GBF1: variants seen among roughly 807,000 people sequenced by gnomAD.
The protein encoded by GBF1 is Golgi-specific brefeldin A-resistance guanine nucleotide exchange factor 1.
Under a neutral mutation model 210.5 loss-of-function variants are expected in GBF1, and 114 were observed. The ratio of observed to expected loss-of-function variants is 0.54; its 90% CI spans 0.47 to 0.63. The LOEUF (loss-of-function observed/expected upper bound fraction) is 0.63, where lower values mean the gene tolerates loss of function less well. Among genes scored for constraint, GBF1 ranks in the 30% least tolerant of loss-of-function variants. GBF1 has a pLI of 0.00. For synonymous variants in GBF1, 850 were observed against 889.2 expected, an observed-to-expected ratio of 0.96 and a Z score of 0.78; for missense variants, 1,851 against 2,357.7, an observed-to-expected ratio of 0.79 and a Z score of 4.45.
upstream of GBF1, among the ~76,000 whole-genome samples, chr10:102,241,774 A>G (rs2070544961): frequency 6.6e-6 from 1 of 152,244 alleles, no homozygotes; most frequent in Non-Finnish European, 1.5e-5. The surrounding 1 kb of genome is among the most constrained non-coding windows in gnomAD (Gnocchi z 6.7). Context: ...CGCTCCGGCT[A>G]GGACGCTTAG....
chr10:102,338,237 C>CTTTTTTTTT (rs398046214), intron 3 of GBF1, among the ~76,000 whole-genome samples: 5 of 114,166 alleles, frequency 4.4e-5, no homozygotes, highest in Admixed American at 1.8e-4. Context: ...CAACCTTCTT[C>CTTTTTTTTT]TTTTTTTTTT....
chr10:102,248,331 A>C (rs957168286), intron 1 of GBF1, among the ~76,000 whole-genome samples: 2 of 152,100 alleles, frequency 1.3e-5, no homozygotes, highest in Non-Finnish European at 1.5e-5. Flanking sequence ...TAACTAAATG[A>C]AAATATAATA....
Position 102,376,541 on chromosome 10 carries a change from T to C in GBF1, c.4048-19T>C, listed in dbSNP as rs781123413. 1 of 1,613,610 alleles carries C rather than the reference T, an allele frequency of 6.2e-7. No individual in the cohort carries two copies. Among genetic ancestry groups the C allele is most frequent in the South Asian group, 1.1e-5 (1 of 91,062 alleles). On this transcript the variant is annotated intron_variant, in intron 31 of 39. Coordinates refer to ENST00000369983, the MANE Select transcript of GBF1 (RefSeq NM_001377137.1). ...CAGGGGCCAAGCCTGTGTCCCCAGC[T>C]CCTCTGTGTACTTTACAGGTTGGGA...
chr10:102,306,886 C>T (rs1245685868), intron 3 of GBF1, among the ~76,000 whole-genome samples: 1 of 152,172 alleles, frequency 6.6e-6, no homozygotes, highest in Non-Finnish European at 1.5e-5. Flanking sequence ...TGAACTGATC[C>T]ATGTGTCCAC....
At chr10:102,324,937 G>A (rs1475753717) in intron 3 of GBF1, among the ~76,000 whole-genome samples, 1 of 152,122 alleles carries the variant, frequency 6.6e-6, no homozygotes, top group Non-Finnish European at 1.5e-5. Flanking sequence ...ATAAAAACTT[G>A]CCTTATAGTA....
chr10:102,325,941 C>T (rs2056859922), intron 3 of GBF1, among the ~76,000 whole-genome samples: 2 of 152,120 alleles, frequency 1.3e-5, no homozygotes, highest in East Asian at 1.9e-4. Flanking sequence ...TGAGCCACTG[C>T]GCCCAGCCTA....
chr10:102,349,482 A>T (rs574956634), intron 4 of GBF1, among the ~76,000 whole-genome samples: 19 of 152,316 alleles, frequency 1.2e-4, no homozygotes, highest in African/African-American at 4.6e-4. Flanking sequence ...CAGTGATCCG[A>T]GATCATGCCA....
chr10:102,244,127 C>G (rs2070633971), upstream of GBF1, among the ~76,000 whole-genome samples: 2 of 151,886 alleles, frequency 1.3e-5, no homozygotes, highest in Admixed American at 6.5e-5. Flanking sequence ...AAGACTCTCT[C>G]AAAACAAACA....
chr10:102,301,684 C>T lies in GBF1; in HGVS notation c.163+41568C>T, dbSNP rs867388392. 4.9e-4 allele frequency among the ~76,000 whole-genome samples: 72 copies of T among 147,904 alleles called. No homozygotes were observed. In the Middle Eastern group the frequency reaches 0.014, roughly 29 times the overall value. On this transcript the variant is annotated intron_variant, in intron 3 of 39. Transcript: ENST00000369983. ...CCCAGATGGGGCGGCGGGGCAGAGG[C>T]GCTCCCCACATCTCAGACGATGGGC...
chr10:102,364,177 C>A (rs2059772556), intron 17 of GBF1, among the ~76,000 whole-genome samples: 4 of 139,384 alleles, frequency 2.9e-5, no homozygotes, highest in Admixed American at 7.3e-5. Context: ...TAGTAAGGTT[C>A]AAATAGTAAG....
chr10:102,360,105 T>C (rs980863020), intron 11 of GBF1, 79 bp from the exon 12 acceptor site: 4 of 875,946 alleles, frequency 4.6e-6, no homozygotes, highest in East Asian at 2.4e-5. Flanking sequence ...AATTGCCTTG[T>C]GTAATGCAGA....
chr10:102,314,427 A>G (rs1213885532), intron 3 of GBF1, among the ~76,000 whole-genome samples: 1 of 152,120 alleles, frequency 6.6e-6, no homozygotes, highest in African/African-American at 2.4e-5. Flanking sequence ...GATTACAGGT[A>G]TGAGCCACCG....
chr10:102,362,532 C>G lies in GBF1; in HGVS notation c.1744C>G (p.Leu582Val). The change falls in exon 15 of 40, where the codon CTA becomes GTA. Residue 582 changes from leucine to valine, a missense_variant. By Grantham distance (32) the Leu-to-Val change is conservative. This residue lies in a region of GBF1 where 804 missense variants were observed against 958.6 expected (regional missense o/e 0.84). Coordinates refer to ENST00000369983, the MANE Select transcript of GBF1 (RefSeq NM_001377137.1). ...YTTHLLSLDA[L>V]LTVIDSTEAH... is the part of the protein sequence containing the mutation. ...AACACACCTACTATCTCTTGATGCC[C>G]TATTGACAGTGATTGACAGCACCGA... 6.2e-7 allele frequency: 1 copy of G among 1,613,874 alleles called. No homozygotes were observed. The highest frequency in any genetic ancestry group is 2.2e-5 in the East Asian group (1 of 44,884).
In GBF1 at chr10:102,368,687, G is replaced by T. The variant is rs1026993306; in HGVS notation, c.2880-52G>T. 1.0e-5 allele frequency: 13 copies of T among 1,280,034 alleles called. No homozygotes were observed. In the Admixed American group the frequency reaches 1.4e-4, roughly 13 times the overall value. The allele number at this position is 1,280,034 out of a possible 1,614,324, so 79.3% of individuals were successfully genotyped here. A position where few individuals can be genotyped will look rare whatever the true frequency, so the allele number is the denominator to read the frequency against. The stretch of plus-strand genomic sequence containing the variant: ...CATGCAAGCTCAGGGACTTGGAAGG[G>T]CTGCTTGGCCTTCCAGTGACTCTGT... On this transcript the variant is annotated intron_variant, in intron 22 of 39. Transcript: ENST00000369983.
At chr10:102,345,247 A>G (rs1260911314) in intron 4 of GBF1, among the ~76,000 whole-genome samples, 1 of 148,818 alleles carries the variant, frequency 6.7e-6, no homozygotes, top group Non-Finnish European at 1.5e-5. Flanking sequence ...GCGCCACTGT[A>G]CTCTAACCTG....
intron 3 of GBF1, among the ~76,000 whole-genome samples, chr10:102,302,310 A>G (rs1189623469): frequency 6.6e-6 from 1 of 152,142 alleles, no homozygotes; most frequent in African/African-American, 2.4e-5. Flanking sequence ...AAATCATCAT[A>G]TAGTACGTGG....
chr10:102,376,451 A>G lies in GBF1; in HGVS notation c.4047+19A>G. Reference sequence around the variant, plus strand: ...GTTAGTGGTGAGTGACAATATGGGCAGCAATTGAGTCTCTCCTGCTTGACC... The same window carrying G: ...GTTAGTGGTGAGTGACAATATGGGCGGCAATTGAGTCTCTCCTGCTTGACC... On this transcript the variant is annotated intron_variant, in intron 31 of 39. Coordinates refer to ENST00000369983, the MANE Select transcript of GBF1 (RefSeq NM_001377137.1). 6.2e-7 allele frequency: 1 copy of G among 1,613,774 alleles called. No individual in the cohort carries two copies. The highest frequency in any genetic ancestry group is 8.5e-7 in the Non-Finnish European group (1 of 1,179,658).
chr10:102,263,446 G>C (rs904330908), intron 3 of GBF1, among the ~76,000 whole-genome samples: 13 of 152,080 alleles, frequency 8.5e-5, no homozygotes, highest in Non-Finnish European at 1.0e-4. Flanking sequence ...TTTTGCAAAG[G>C]GTTTCTGTTT....
intron 7 of GBF1, among the ~76,000 whole-genome samples, chr10:102,352,741 C>G (rs2059078353): frequency 6.6e-6 from 1 of 152,110 alleles, no homozygotes; most frequent in Non-Finnish European, 1.5e-5. Flanking sequence ...TTAATATAGG[C>G]CAGCAGACCT....
Sources: allele counts gnomAD v4.1 joint callset (sites outside exome capture counted in the v4.1 genomes callset), GRCh38; gene constraint gnomAD v4.1.1; regional missense constraint gnomAD v4.1.1; non-coding constraint Gnocchi (gnomAD v3.1); transcripts MANE v1.5; gene names NCBI Gene and HGNC (gene_info 2026-07-23, HGNC 2026-07-21).